Variants in TIMP3 observed in about 807,000 individuals in gnomAD.
The protein encoded by TIMP3 is TIMP metallopeptidase inhibitor 3.
In TIMP3, 11 loss-of-function variants were observed where a neutral mutation model predicts 30.0. The ratio of observed to expected loss-of-function variants is 0.37; its 90% CI spans 0.23 to 0.61. TIMP3 has a LOEUF of 0.61. Ranked by LOEUF, TIMP3 falls within the 20% of genes least tolerant of loss-of-function variation. The probability of loss-of-function intolerance (pLI) is 0.70; values close to 1 mark genes in which losing one functional copy is unlikely to be tolerated. For synonymous variants in TIMP3, 112 were observed against 111.3 expected, an observed-to-expected ratio of 1.01 and a Z score of -0.04; for missense variants, 181 against 276.8, an observed-to-expected ratio of 0.65 and a Z score of 2.45.
chr22:32,806,223 C>A (rs1187983186), intron 1 of TIMP3, among the ~76,000 whole-genome samples: 1 of 152,050 alleles, frequency 6.6e-6, no homozygotes, highest in Non-Finnish European at 1.5e-5. Flanking sequence ...TGGGTCCCAG[C>A]TGGAGAAGGT....
chr22:32,803,524 T>G (rs1006072141), intron 1 of TIMP3, among the ~76,000 whole-genome samples: 1 of 152,158 alleles, frequency 6.6e-6, no homozygotes, highest in Admixed American at 6.5e-5. Flanking sequence ...TGGTACATCC[T>G]CCCCTCTCCT....
At chr22:32,813,162 C>A (rs2046958283) in intron 1 of TIMP3, among the ~76,000 whole-genome samples, 2 of 152,120 alleles carry the variant, frequency 1.3e-5, no homozygotes, top group Admixed American at 6.6e-5. Flanking sequence ...TCACTCCTAC[C>A]AAATATGTTT....
At chr22:32,840,541 G>T (rs1403447981) in intron 1 of TIMP3, among the ~76,000 whole-genome samples, 2 of 152,034 alleles carry the variant, frequency 1.3e-5, no homozygotes, top group Non-Finnish European at 2.9e-5. Context: ...AGTGGGAGGG[G>T]GGTCATCATC....
chr22:32,851,586 G>A (rs1012359819), intron 2 of TIMP3, among the ~76,000 whole-genome samples: 1 of 152,156 alleles, frequency 6.6e-6, no homozygotes, highest in African/African-American at 2.4e-5. Context: ...GAATCATGGT[G>A]CTGGGAATTA....
chr22:32,802,008 C>A lies in TIMP3; in HGVS notation c.7C>A (p.Pro3Thr), dbSNP rs777890618. 6 of 1,583,748 alleles carry A rather than the reference C, an allele frequency of 3.8e-6. No homozygotes were observed. The highest frequency in any genetic ancestry group is 1.7e-4 in the Middle Eastern group (1 of 5,888). Residue 3 changes from proline (P) to threonine (T), a missense_variant, in exon 1 of 5, where the codon CCT (proline) becomes ACT (threonine). Physicochemically the swap from Pro to Thr is conservative, Grantham distance 38. Around this residue, in one of 3 missense-constraint regions of TIMP3, gnomAD observed 71 missense variants for 79.7 expected, o/e 0.89. Transcript: ENST00000266085. ...AGCGGCGGCAGCAGCGGCAATGACC[C>A]CTTGGCTCGGGCTCATCGTGCTCCT... Reference protein sequence around the residue: MTPWLGLIVLLGS... With the variant: MTTWLGLIVLLGS...
chr22:32,805,016 TGC>T (rs200930716), intron 1 of TIMP3, among the ~76,000 whole-genome samples: 7 of 52,620 alleles, frequency 1.3e-4, no homozygotes, highest in South Asian at 4.0e-4. Context: ...TCTGAAAATG[TGC>T]GTGTGTGCGT....
At chr22:32,820,598 A>AG (rs1569250551) in intron 1 of TIMP3, among the ~76,000 whole-genome samples, 1 of 152,162 alleles carries the variant, frequency 6.6e-6, no homozygotes, top group Non-Finnish European at 1.5e-5. Context: ...CTTAGTTGGC[A>AG]CATCTTGCTT....
At chr22:32,820,057 A>T (rs1282219143) in intron 1 of TIMP3, among the ~76,000 whole-genome samples, 1 of 151,930 alleles carries the variant, frequency 6.6e-6, no homozygotes, top group Non-Finnish European at 1.5e-5. Flanking sequence ...CAAGCTTCTA[A>T]CACTGAGAGT....
In TIMP3 at chr22:32,837,641, G is replaced by C. The variant is rs2047773456; in HGVS notation, c.122-11811G>C. 6.6e-6 allele frequency among the ~76,000 whole-genome samples: 1 copy of C among 152,130 alleles called. No homozygotes were observed. The highest frequency in any genetic ancestry group is 6.5e-5 in the Admixed American group (1 of 15,268). On this transcript the variant is annotated intron_variant, in intron 1 of 4. Transcript: ENST00000266085. This position sits in a 1 kb window ranked among gnomAD's most constrained non-coding sequence, Gnocchi z 4.1. ...TGCAAAGACCCAGGCTTGTTTCTAG[G>C]GGTTTCTTGGGGCTTCGGGGGCCTC...
chr22:32,835,110 T>A (rs1376573802), intron 1 of TIMP3, among the ~76,000 whole-genome samples: 1 of 152,194 alleles, frequency 6.6e-6, no homozygotes, highest in Non-Finnish European at 1.5e-5. Flanking sequence ...CTGAGTCAGT[T>A]CATGCAGCGG....
chr22:32,821,143 T>TA (rs2047236435), intron 1 of TIMP3, among the ~76,000 whole-genome samples: 1 of 152,042 alleles, frequency 6.6e-6, no homozygotes, highest in Non-Finnish European at 1.5e-5. Flanking sequence ...GAGATGAACT[T>TA]AGAGTCAAAA....
In TIMP3 at chr22:32,862,165, T is replaced by C. The variant is rs1490818160; in HGVS notation, c.*2788T>C. ...CGGCCCTGGGTAGTCTACCATTTAC[T>C]TCACCCCAAGTCCTGCTGCCCATCC... On this transcript the variant is annotated 3_prime_UTR_variant, in exon 5 of 5. Coordinates refer to ENST00000266085, the MANE Select transcript of TIMP3 (RefSeq NM_000362.5). 6.6e-6 allele frequency: 1 copy of C among 152,410 alleles called. No homozygotes were observed. The highest frequency in any genetic ancestry group is 1.9e-4 in the East Asian group (1 of 5,194). The allele number at this position is 152,410 out of a possible 1,614,324, so 9.4% of individuals were successfully genotyped here.
At chr22:32,839,951 T>C (rs1243310961) in intron 1 of TIMP3, among the ~76,000 whole-genome samples, 1 of 151,974 alleles carries the variant, frequency 6.6e-6, no homozygotes, top group Non-Finnish European at 1.5e-5. Context: ...AAACCCATCC[T>C]GCTCACAAGG....
At chr22:32,822,354 G>A (rs2047274403) in intron 1 of TIMP3, among the ~76,000 whole-genome samples, 1 of 152,090 alleles carries the variant, frequency 6.6e-6, no homozygotes, top group African/African-American at 2.4e-5. Context: ...TCCAGATGAT[G>A]TCCCTGGACT....
intron 1 of TIMP3, among the ~76,000 whole-genome samples, chr22:32,810,486 G>T (rs2046888066): frequency 7.0e-6 from 1 of 143,392 alleles, no homozygotes; most frequent in Non-Finnish European, 1.5e-5. Context: ...CCAAGGTAAA[G>T]TTCAGTTAGT....
In TIMP3 at chr22:32,813,504, C is replaced by A. The variant is rs1005591811; in HGVS notation, c.121+11382C>A. 4.7e-5 allele frequency among the ~76,000 whole-genome samples: 7 copies of A among 149,340 alleles called. No homozygotes were observed. In the East Asian group the frequency reaches 1.4e-3, roughly 29 times the overall value. Reference sequence around the variant, plus strand: ...GAAAAGATACACACACACACACACACACACACACACACACACACACACACA... The same window carrying A: ...GAAAAGATACACACACACACACACAAACACACACACACACACACACACACA... On this transcript the variant is annotated intron_variant, in intron 1 of 4. Coordinates refer to ENST00000266085, the MANE Select transcript of TIMP3 (RefSeq NM_000362.5).
intron 1 of TIMP3, among the ~76,000 whole-genome samples, chr22:32,838,647 T>G (rs141614781): frequency 1.3e-5 from 2 of 152,242 alleles, no homozygotes; most frequent in African/African-American, 4.8e-5. Flanking sequence ...ACAATGTCGG[T>G]ATTCGGCCTC....
At chr22:32,827,807 T>G (rs2047456261) in intron 1 of TIMP3, among the ~76,000 whole-genome samples, 1 of 152,306 alleles carries the variant, frequency 6.6e-6, no homozygotes, top group Admixed American at 6.5e-5. Context: ...CCTCAAATGC[T>G]CCAGGCTCCA....
At chr22:32,843,801 C>A (rs1022421951) in intron 1 of TIMP3, among the ~76,000 whole-genome samples, 54 of 152,290 alleles carry the variant, frequency 3.5e-4, no homozygotes, top group Admixed American at 1.2e-3. Context: ...GTGACTTCTG[C>A]ATTTGAAGAA....
Sources: gnomAD v4.1 joint callset for allele counts (sites outside exome capture counted in the v4.1 genomes callset) on GRCh38, gnomAD v4.1.1 for gene constraint, gnomAD v4.1.1 regional missense constraint, Gnocchi (gnomAD v3.1) non-coding constraint, MANE v1.5 for transcripts, NCBI Gene and HGNC (gene_info 2026-07-23, HGNC 2026-07-21) for gene names.